MDFI: variants seen among roughly 807,000 people sequenced by gnomAD.
MDFI encodes the protein MyoD family inhibitor, also known as inhibitor of MyoD family a.
MDFI carries 16 observed loss-of-function variants against 22.3 expected under a neutral mutation model. The ratio of observed to expected loss-of-function variants is 0.72; its 90% confidence interval spans 0.49 to 1.09. The LOEUF is 1.09. Ranked by LOEUF, MDFI falls within the 50% of genes least tolerant of loss-of-function variation. The probability of loss-of-function intolerance (pLI) is 0.00; values close to 1 mark genes in which losing one functional copy is unlikely to be tolerated. For missense variants in MDFI, 314 were observed against 326.1 expected (o/e 0.96, Z 0.29); for synonymous variants, 145 against 142.7 (o/e 1.02, Z -0.12).
chr6:41,642,067 G>A (rs150947752), intron 2 of MDFI, among the ~76,000 whole-genome samples: 1 of 152,210 alleles, frequency 6.6e-6, no homozygotes, highest in Non-Finnish European at 1.5e-5. Context: ...AAGCAAAGGG[G>A]CTGTTGCCTT....
chr6:41,645,622 G>A lies in MDFI; in HGVS notation c.77-504G>A, dbSNP rs139653724. Among the ~76,000 whole-genome samples, 4 of 151,936 alleles carry A rather than the reference G, an allele frequency of 2.6e-5. No individual in the cohort carries two copies. In the South Asian group the frequency reaches 6.2e-4, roughly 24 times the overall value. The stretch of plus-strand genomic sequence containing the variant: ...ATCTTTCTCTCCATTACTGACTTCC[G>A]TGCTATTGCTGCGTCTCACTCCCGT... On this transcript the variant is annotated intron_variant, in intron 2 of 4. Coordinates refer to ENST00000230321, the MANE Select transcript of MDFI (RefSeq NM_005586.4).
chr6:41,653,705 C>T lies in MDFI; in HGVS notation c.*130C>T. The T allele has an allele frequency of 3.4e-6, 4 of 1,192,696 alleles. No homozygotes were observed. Among genetic ancestry groups the T allele is most frequent in the African/African-American group, 1.5e-5 (1 of 65,874 alleles). The allele number at this position is 1,192,696 out of a possible 1,614,324, so 73.9% of individuals were successfully genotyped here. A position where few individuals can be genotyped will look rare whatever the true frequency, so the allele number is the denominator to read the frequency against. On this transcript the variant is annotated 3_prime_UTR_variant, in exon 5 of 5. Transcript: ENST00000230321. This position sits in a 1 kb window ranked among gnomAD's most constrained non-coding sequence, Gnocchi z 4.2. ...CTCTCCCTGGTCCTCTCCTACCCACCCATGTCCTCTCAGAACCCCAGCCTT... is the reference window on the plus strand; with the variant it reads ...CTCTCCCTGGTCCTCTCCTACCCACTCATGTCCTCTCAGAACCCCAGCCTT...
At chr6:41,643,548 GGGAAGGAAGGAA>G (rs768210940) in intron 2 of MDFI, among the ~76,000 whole-genome samples, 2 of 75,346 alleles carry the variant, frequency 2.7e-5, no homozygotes, top group African/African-American at 1.1e-4. Context: ...GAGGGAAGGA[GGGAAGGAAGGAA>G]GGAAGGAAGG....
chr6:41,647,912 G>A (rs187905861), intron 3 of MDFI, among the ~76,000 whole-genome samples: 1 of 151,828 alleles, frequency 6.6e-6, no homozygotes, highest in African/African-American at 2.4e-5. Flanking sequence ...GCGTGGTGGC[G>A]GGCGCATGTA....
At chr6:41,639,797 C>T (rs924626427) in intron 2 of MDFI, 19 of 985,464 alleles carry the variant, frequency 1.9e-5, no homozygotes, top group Non-Finnish European at 2.3e-5. Flanking sequence ...GAACCTCTGA[C>T]ACGAACTCCC....
intron 2 of MDFI, among the ~76,000 whole-genome samples, chr6:41,643,532 G>A (rs6904719): frequency 0.56 from 72,703 of 129,070 alleles, 19,489 homozygotes; most frequent in Middle Eastern, 0.65. Flanking sequence ...ACAGGAAGGA[G>A]GGAAGGAGGG....
intron 3 of MDFI, among the ~76,000 whole-genome samples, chr6:41,649,233 CA>C (rs1768167965): frequency 1.3e-5 from 2 of 152,248 alleles, no homozygotes. Flanking sequence ...GCTGCGCTCC[CA>C]ACCCCAGCCA....
intron 2 of MDFI, among the ~76,000 whole-genome samples, chr6:41,642,292 C>T (rs993782542): frequency 1.3e-5 from 2 of 152,168 alleles, no homozygotes; most frequent in African/African-American, 4.8e-5. Context: ...CAGGCACCTT[C>T]TGCAGTACAT....
intron 2 of MDFI, among the ~76,000 whole-genome samples, chr6:41,645,010 C>T (rs540740388): frequency 7.2e-5 from 11 of 152,078 alleles, no homozygotes; most frequent in African/African-American, 2.2e-4. Context: ...CCTCTCCCTG[C>T]GCTCTTTTGG....
intron 2 of MDFI, among the ~76,000 whole-genome samples, chr6:41,643,670 A>G (rs1767945453): frequency 6.7e-6 from 1 of 149,502 alleles, no homozygotes; most frequent in Non-Finnish European, 1.5e-5. Context: ...AGAGAGAGAG[A>G]AAGGAGGGAG....
chr6:41,645,599 C>G (rs146845909), intron 2 of MDFI, among the ~76,000 whole-genome samples: 34 of 152,246 alleles, frequency 2.2e-4, no homozygotes, highest in African/African-American at 8.2e-4. Context: ...CCATCTCTAT[C>G]TTTCTCTCCA....
At chr6:41,640,889 G>C (rs1252268444) in intron 2 of MDFI, among the ~76,000 whole-genome samples, 1 of 152,162 alleles carries the variant, frequency 6.6e-6, no homozygotes, top group Non-Finnish European at 1.5e-5. Flanking sequence ...GCCCAGCATT[G>C]GGGCGTCACA....
At position 41,653,905 on chromosome 6, in the gene MDFI, G is replaced by T. The variant is rs1345026947; in HGVS notation, c.*330G>T. 2.7e-5 allele frequency: 10 copies of T among 368,780 alleles called. No individual in the cohort carries two copies. The highest frequency in any genetic ancestry group is 4.5e-5 in the Non-Finnish European group (9 of 198,640). The allele number at this position is 368,780 out of a possible 1,614,324, so 22.8% of individuals were successfully genotyped here. Reference sequence around the variant, plus strand: ...ACCGCAGGGGGCAGCCAGGGCTGGGGAACACTGTGAAAGTTACTTGGGGAG... The same window carrying T: ...ACCGCAGGGGGCAGCCAGGGCTGGGTAACACTGTGAAAGTTACTTGGGGAG... On this transcript the variant is annotated 3_prime_UTR_variant, in exon 5 of 5. Coordinates refer to ENST00000230321, the MANE Select transcript of MDFI (RefSeq NM_005586.4). This position sits in a 1 kb window ranked among gnomAD's most constrained non-coding sequence, Gnocchi z 4.2.
At chr6:41,645,894 C>T (rs534925336) in intron 2 of MDFI, among the ~76,000 whole-genome samples, 1 of 152,308 alleles carries the variant, frequency 6.6e-6, no homozygotes, top group Non-Finnish European at 1.5e-5. Flanking sequence ...CACATGCACA[C>T]GTGCACACAC....
chr6:41,639,247 C>A (rs1767758007), intron 2 of MDFI: 1 of 985,248 alleles, frequency 1.0e-6, no homozygotes, highest in Non-Finnish European at 1.2e-6. Context: ...CCAGCCCAAC[C>A]AGAGCCCAGC....
Position 41,653,756 on chromosome 6 carries a change from G to A in MDFI, c.*181G>A, listed in dbSNP as rs984248507. On this transcript the variant is annotated 3_prime_UTR_variant, in exon 5 of 5. Transcript: ENST00000230321. This position sits in a 1 kb window ranked among gnomAD's most constrained non-coding sequence, Gnocchi z 4.2. The stretch of plus-strand genomic sequence containing the variant: ...GAAAATAGTGGGGGGCACTCAGAGG[G>A]GCCACCTCCTCAGCCGTGGGTGGTG... 36 of 737,854 alleles carry A rather than the reference G, an allele frequency of 4.9e-5. No individual in the cohort carries two copies. Among genetic ancestry groups the A allele is most frequent in the Non-Finnish European group, 6.3e-5 (29 of 460,464 alleles). The allele number at this position is 737,854 out of a possible 1,614,324, so 45.7% of individuals were successfully genotyped here. A position where few individuals can be genotyped will look rare whatever the true frequency, so the allele number is the denominator to read the frequency against.
chr6:41,640,728 C>T (rs1015538504), intron 2 of MDFI, among the ~76,000 whole-genome samples: 3 of 152,212 alleles, frequency 2.0e-5, no homozygotes, highest in African/African-American at 7.2e-5. Context: ...CTCAGCCACC[C>T]CAGATGCAGA....
At chr6:41,649,552 G>A (rs1208161041) in intron 3 of MDFI, 67 bp from the exon 4 acceptor site, 21 of 1,399,660 alleles carry the variant, frequency 1.5e-5, no homozygotes, top group East Asian at 7.0e-5. Context: ...GGCAGGATTC[G>A]AGCATAGCTC....
rs2127434459 is a variant in MDFI at position 41,649,691 on chromosome 6, G to A, written c.332G>A (p.Gly111Asp). 2.5e-6 allele frequency: 4 copies of A among 1,613,950 alleles called. No individual in the cohort carries two copies. The highest frequency in any genetic ancestry group is 3.4e-6 in the Non-Finnish European group (4 of 1,179,940). ...GACTCTGGCCACCCCTCAGAGCTGG[G>A]CGGCACCAGACGGGCGGGGAATGGT... ...PNDSGHPSELGGTRRAGNGAL... is the reference protein window; with the variant it reads ...PNDSGHPSELDGTRRAGNGAL... Residue 111 changes from glycine (G) to aspartate (D), a missense_variant, in exon 4 of 5, where the codon GGC (glycine) becomes GAC (aspartate). Coordinates refer to ENST00000230321, the MANE Select transcript of MDFI (RefSeq NM_005586.4).
Sources: allele counts gnomAD v4.1 joint callset (sites outside exome capture counted in the v4.1 genomes callset), GRCh38; gene constraint gnomAD v4.1.1; non-coding constraint Gnocchi (gnomAD v3.1); transcripts MANE v1.5; gene names NCBI Gene and HGNC (gene_info 2026-07-23, HGNC 2026-07-21).